ABTB2: variants seen among roughly 807,000 people sequenced by gnomAD.
ABTB2 encodes the protein ankyrin repeat and BTB domain containing 2, also known as ankyrin repeat and BTB/POZ domain-containing protein 2.
Under a neutral mutation model 104.1 loss-of-function variants are expected in ABTB2, and 56 were observed. The observed-to-expected ratio is 0.54, with a 90% confidence interval of 0.43 to 0.67. ABTB2 has a LOEUF of 0.67. Among genes scored for constraint, ABTB2 ranks in the 30% least tolerant of loss-of-function variants. The probability of loss-of-function intolerance (pLI) is 0.00; values close to 1 mark genes in which losing one functional copy is unlikely to be tolerated. For synonymous variants in ABTB2, 606 were observed against 608.2 expected (o/e 1.00, Z 0.05); for missense variants, 1,279 against 1,407.7 (o/e 0.91, Z 1.46).
At chr11:34,181,433 G>A (rs980101372) in intron 3 of ABTB2, among the ~76,000 whole-genome samples, 4 of 152,138 alleles carry the variant, frequency 2.6e-5, no homozygotes, top group African/African-American at 7.2e-5. Flanking sequence ...GTTGGCAGAT[G>A]GGGCACAGGC....
At chr11:34,245,375 C>A (rs1204671820) in intron 1 of ABTB2, among the ~76,000 whole-genome samples, 18 of 152,152 alleles carry the variant, frequency 1.2e-4, no homozygotes, top group Admixed American at 1.2e-3. Context: ...GGAAATCACC[C>A]CCTACAGCAA....
Position 34,197,450 on chromosome 11 carries a change from C to A in ABTB2, c.1119G>T (p.Pro373=). The change falls in exon 3 of 17, where the codon CCG becomes CCT. Residue 373 remains proline, a synonymous_variant. Coordinates refer to ENST00000435224, the MANE Select transcript of ABTB2 (RefSeq NM_145804.3). The part of the protein sequence containing the change: ...GASPARQARQ[P]PQPITWSPDA... ...CGGGGGACCAAGTGATGGGCTGTGG[C>A]GGCTGGCGGGCCTGGCGGGCAGGGC... is the stretch of plus-strand genomic sequence containing the variant. The A allele has an allele frequency of 6.3e-7, 1 of 1,597,892 alleles. No individual in the cohort carries two copies. The highest frequency in any genetic ancestry group is 1.3e-5 in the African/African-American group (1 of 74,570).
Position 34,151,047 on chromosome 11 carries a change from AT to A in ABTB2, c.*1339del, listed in dbSNP as rs1321095316. On this transcript the variant is annotated 3_prime_UTR_variant, in exon 17 of 17. Transcript: ENST00000435224. The stretch of plus-strand genomic sequence containing the variant: ...TAGTACATTTACAGTAAGTGACAAC[AT>A]TATTGTACAGTTAAAGTATCATACA... 1 of 152,800 alleles carries A rather than the reference AT, an allele frequency of 6.5e-6. No homozygotes were observed. The highest frequency in any genetic ancestry group is 1.5e-5 in the Non-Finnish European group (1 of 68,122). The allele number at this position is 152,800 out of a possible 1,614,324, so 9.5% of individuals were successfully genotyped here.
intron 1 of ABTB2, among the ~76,000 whole-genome samples, chr11:34,287,024 T>C (rs1854513705): frequency 1.3e-5 from 2 of 152,016 alleles, no homozygotes; most frequent in South Asian, 2.1e-4. Context: ...ATGGTGGTGG[T>C]TGCACAAATG....
intron 2 of ABTB2, among the ~76,000 whole-genome samples, chr11:34,197,886 T>C (rs1440749224): frequency 1.3e-5 from 2 of 152,162 alleles, no homozygotes; most frequent in Non-Finnish European, 2.9e-5. Context: ...TCTGGGTCTC[T>C]CTTCCCAGCC....
chr11:34,310,774 T>TTA (rs1203750672), intron 1 of ABTB2, among the ~76,000 whole-genome samples: 2 of 151,976 alleles, frequency 1.3e-5, no homozygotes, highest in Non-Finnish European at 2.9e-5. Flanking sequence ...TGCATGGAGG[T>TTA]TATGCTCTTT....
intron 1 of ABTB2, among the ~76,000 whole-genome samples, chr11:34,229,245 G>A (rs1853731245): frequency 6.6e-6 from 1 of 151,932 alleles, no homozygotes; most frequent in Non-Finnish European, 1.5e-5. Flanking sequence ...CACTTTGGGA[G>A]GCCGAGGTGG....
chr11:34,332,932 C>CT (rs1564934535), intron 1 of ABTB2, among the ~76,000 whole-genome samples: 2 of 152,054 alleles, frequency 1.3e-5, no homozygotes, highest in African/African-American at 4.8e-5. Context: ...ATGGTGAGCA[C>CT]TGGGGAAATG....
At chr11:34,232,963 A>G (rs1853790917) in intron 1 of ABTB2, among the ~76,000 whole-genome samples, 1 of 151,928 alleles carries the variant, frequency 6.6e-6, no homozygotes, top group South Asian at 2.1e-4. Flanking sequence ...CTGTCTCAAA[A>G]AACCCCCTAA....
intron 1 of ABTB2, among the ~76,000 whole-genome samples, chr11:34,353,388 G>GGA: frequency 6.6e-6 from 1 of 152,140 alleles, no homozygotes; most frequent in Non-Finnish European, 1.5e-5. Context: ...AGAGGAGAGA[G>GGA]GAGAGTAGGG....
chr11:34,324,705 A>G (rs1855047204), intron 1 of ABTB2, among the ~76,000 whole-genome samples: 1 of 152,234 alleles, frequency 6.6e-6, no homozygotes, highest in South Asian at 2.1e-4. Context: ...GCATGCAAGT[A>G]GAGGCTCCCC....
At chr11:34,182,118 C>G (rs2133024774) in intron 3 of ABTB2, among the ~76,000 whole-genome samples, 1 of 152,372 alleles carries the variant, frequency 6.6e-6, no homozygotes. Context: ...AAGGTCAGGG[C>G]TGGCTCTGCA....
intron 5 of ABTB2, 94 bp from the exon 6 acceptor site, chr11:34,168,086 AC>A: frequency 1.6e-6 from 2 of 1,237,830 alleles, no homozygotes; most frequent in Admixed American, 2.0e-5. Context: ...CAGATCGGGC[AC>A]CCCGCCACCC....
At chr11:34,270,661 C>G (rs950909872) in intron 1 of ABTB2, among the ~76,000 whole-genome samples, 1 of 152,120 alleles carries the variant, frequency 6.6e-6, no homozygotes, top group Admixed American at 6.6e-5. Context: ...CTTCCTCCAC[C>G]TCAGAGGTTG....
At chr11:34,165,776 C>G (rs1299637378) in intron 7 of ABTB2, among the ~76,000 whole-genome samples, 4 of 152,242 alleles carry the variant, frequency 2.6e-5, no homozygotes, top group African/African-American at 9.6e-5. Flanking sequence ...GGCCACTGGC[C>G]AATGAGTAAC....
rs930128091 is a variant in ABTB2, at chr11:34,154,528, C to T, written c.2767-150G>A. The stretch of plus-strand genomic sequence containing the variant: ...TGATACTCCTGGGCCTAACCATCCC[C>T]GCTGGGACACGCACTGAGGCTGGGC... On this transcript the variant is annotated intron_variant, in intron 15 of 16. Coordinates refer to ENST00000435224, the MANE Select transcript of ABTB2 (RefSeq NM_145804.3). This position sits in a 1 kb window ranked among gnomAD's most constrained non-coding sequence, Gnocchi z 4.9. 2.6e-5 allele frequency: 22 copies of T among 856,770 alleles called. No homozygotes were observed. Among genetic ancestry groups the T allele is most frequent in the Middle Eastern group, 3.4e-4 (1 of 2,922 alleles). The allele number at this position is 856,770 out of a possible 1,614,324, so 53.1% of individuals were successfully genotyped here. A position where few individuals can be genotyped will look rare whatever the true frequency, so the allele number is the denominator to read the frequency against.
At chr11:34,249,229 A>G (rs1246070126) in intron 1 of ABTB2, among the ~76,000 whole-genome samples, 1 of 152,226 alleles carries the variant, frequency 6.6e-6, no homozygotes, top group Non-Finnish European at 1.5e-5. Context: ...GCTGGGGTCA[A>G]TGGGACCACC....
At chr11:34,266,345 G>A (rs903353723) in intron 1 of ABTB2, among the ~76,000 whole-genome samples, 1 of 152,010 alleles carries the variant, frequency 6.6e-6, no homozygotes, top group African/African-American at 2.4e-5. Flanking sequence ...TCAGCCTCCC[G>A]AAGTGCTGGG....
At chr11:34,331,042 C>A (rs1028967505) in intron 1 of ABTB2, among the ~76,000 whole-genome samples, 2 of 152,190 alleles carry the variant, frequency 1.3e-5, no homozygotes, top group African/African-American at 2.4e-5. Context: ...TTCCAGTGGA[C>A]CCCCTCCTAT....
Sources: gnomAD v4.1 joint callset for allele counts (sites outside exome capture counted in the v4.1 genomes callset) on GRCh38, gnomAD v4.1.1 for gene constraint, Gnocchi (gnomAD v3.1) non-coding constraint, MANE v1.5 for transcripts, NCBI Gene and HGNC (gene_info 2026-07-23, HGNC 2026-07-21) for gene names.